KHDRBS1: variants seen among roughly 807,000 people sequenced by gnomAD.
KHDRBS1 encodes KH RNA binding domain containing, signal transduction associated 1, also known as KH domain-containing, RNA-binding, signal transduction-associated protein 1.
Under a neutral mutation model 48.4 loss-of-function variants are expected in KHDRBS1, and 7 were observed. That is an observed-to-expected ratio of 0.14 (90% CI 0.08 to 0.27). KHDRBS1 has a LOEUF of 0.27. Among genes scored for constraint, KHDRBS1 ranks in the 10% least tolerant of loss-of-function variants. KHDRBS1 has a pLI of 1.00. For synonymous variants in KHDRBS1, 241 were observed against 235.8 expected (o/e 1.02, Z -0.20); for missense variants, 458 against 601.2 (o/e 0.76, Z 2.49).
chr1:32,019,708 A>G (rs1050201975), intron 1 of KHDRBS1, among the ~76,000 whole-genome samples: 1 of 152,218 alleles, frequency 6.6e-6, no homozygotes, highest in Non-Finnish European at 1.5e-5. Flanking sequence ...AACAAAGCCT[A>G]GTAAGATAAA....
chr1:32,023,478 A>G (rs963842942), intron 1 of KHDRBS1, among the ~76,000 whole-genome samples: 10 of 152,212 alleles, frequency 6.6e-5, no homozygotes, highest in Admixed American at 1.3e-4. Context: ...ATTGGATAAG[A>G]TATGATTATT....
At chr1:32,059,444 G>A (rs1003789578) in intron 10 of KHDRBS1, among the ~76,000 whole-genome samples, 16 of 152,002 alleles carry the variant, frequency 1.1e-4, no homozygotes, top group African/African-American at 3.1e-4. Context: ...GGAGGCTGAG[G>A]TTGGAGGATC....
In KHDRBS1 at chr1:32,013,900, GCTACCGCTCCCGCT is replaced by G. The variant is rs1451766524; in HGVS notation, c.-93_-80del. 3 of 1,218,876 alleles carry G rather than the reference GCTACCGCTCCCGCT, an allele frequency of 2.5e-6. No homozygotes were observed. The South Asian group carries it at 6.7e-5, about 27-fold the overall frequency. 75.5% of individuals were successfully genotyped at this position (1,218,876 alleles called of 1,614,324 possible). ...TGGGTCGCTCGGGTCGGCTTCGGTCGCTACCGCTCCCGCTCTGCCACCCCCGCCAACCGCCGCTC... is the reference window on the plus strand; with the variant it reads ...TGGGTCGCTCGGGTCGGCTTCGGTCGCTGCCACCCCCGCCAACCGCCGCTC... On this transcript the variant is annotated 5_prime_UTR_variant, in exon 1 of 9. Transcript: ENST00000327300.
intron 4 of KHDRBS1, among the ~76,000 whole-genome samples, chr1:32,035,839 G>A (rs1032985042): frequency 6.6e-6 from 1 of 152,200 alleles, no homozygotes; most frequent in African/African-American, 2.4e-5. Flanking sequence ...GTAAGTGCTT[G>A]GGTATAGGGA....
At chr1:32,031,726 A>G (rs756931104) in intron 3 of KHDRBS1, 86 bp downstream of exon 3, 3 of 762,932 alleles carry the variant, frequency 3.9e-6, no homozygotes, top group East Asian at 2.7e-5. Flanking sequence ...AGAGGCGGCA[A>G]GAATTTTGTA....
intron 3 of KHDRBS1, 51 bp from the exon 4 acceptor site, chr1:32,033,136 TG>T: frequency 6.8e-7 from 1 of 1,461,576 alleles, no homozygotes; most frequent in Non-Finnish European, 9.6e-7. Context: ...GAGGTAAAGG[TG>T]GTGTTTTCTC....
intron 2 of KHDRBS1, 99 bp downstream of exon 2, chr1:32,030,521 A>G: frequency 1.0e-6 from 1 of 1,002,452 alleles, no homozygotes; most frequent in East Asian, 3.0e-5. Flanking sequence ...TGCTTTAGAA[A>G]CTTAAGCCTG....
chr1:32,047,648 A>C (rs892516135), downstream of KHDRBS1, among the ~76,000 whole-genome samples: 13 of 152,174 alleles, frequency 8.5e-5, no homozygotes, highest in African/African-American at 2.7e-4. Flanking sequence ...ATAATATCCT[A>C]ACAGAGTTAG....
chr1:32,030,275 A>C (rs1226367161), intron 1 of KHDRBS1, 23 bp from the exon 2 acceptor site: 1 of 1,598,590 alleles, frequency 6.3e-7, no homozygotes, highest in South Asian at 1.1e-5. Flanking sequence ...CCAGGGCAAA[A>C]ATAAATTGTT....
At chr1:32,050,775 C>T (rs1362864402) in intron 10 of KHDRBS1, among the ~76,000 whole-genome samples, 1 of 152,100 alleles carries the variant, frequency 6.6e-6, no homozygotes, top group Non-Finnish European at 1.5e-5. Context: ...CCACCTCGGC[C>T]TCCCAAAGTG....
intron 1 of KHDRBS1, among the ~76,000 whole-genome samples, chr1:32,028,533 C>T (rs1321186003): frequency 9.1e-5 from 12 of 131,720 alleles, no homozygotes; most frequent in African/African-American, 2.4e-4. Context: ...GACAGAGTCT[C>T]GCTCTGTCGC....
Position 32,038,563 on chromosome 1 carries a change from T to C in KHDRBS1, c.1119T>C (p.Asp373=), listed in dbSNP as rs375369691. Residue 373 remains aspartate, a synonymous_variant, in exon 7 of 9, where the codon GAT becomes GAC. Transcript: ENST00000327300. ...PETYEEYGYD[D]TYAEQSYEGY... is the part of the protein sequence containing the mutation. ...TGTTGTTGTTCTAGGGATATGATGA[T>C]ACATACGCAGAACAAAGTTACGAAG... is the stretch of plus-strand genomic sequence containing the variant. 4 of 1,613,834 alleles carry C rather than the reference T, an allele frequency of 2.5e-6. No homozygotes were observed. The highest frequency in any genetic ancestry group is 2.2e-5 in the East Asian group (1 of 44,872).
chr1:32,028,475 C>T (rs1639017676), intron 1 of KHDRBS1, among the ~76,000 whole-genome samples: 1 of 146,494 alleles, frequency 6.8e-6, no homozygotes, highest in Non-Finnish European at 1.5e-5. Context: ...TATATATATA[C>T]ACGTATATAT....
chr1:32,056,659 G>T (rs185498777), intron 10 of KHDRBS1, among the ~76,000 whole-genome samples: 254 of 152,276 alleles, frequency 1.7e-3, no homozygotes, highest in Non-Finnish European at 3.1e-3. Context: ...GTATAAGATG[G>T]TTGCTCCTCA....
chr1:32,050,279 A>G (rs1402423560), intron 10 of KHDRBS1, among the ~76,000 whole-genome samples: 1 of 152,196 alleles, frequency 6.6e-6, no homozygotes, highest in East Asian at 1.9e-4. Context: ...TTCTTTATAT[A>G]TTCTGGACGC....
chr1:32,059,165 GAA>G (rs1163066227), intron 10 of KHDRBS1, among the ~76,000 whole-genome samples: 2 of 45,994 alleles, frequency 4.3e-5, no homozygotes, highest in African/African-American at 1.5e-4. Flanking sequence ...TGTCTCAGGA[GAA>G]AAAAAAAAAA....
intron 5 of KHDRBS1, 86 bp downstream of exon 5, chr1:32,037,129 A>C: frequency 7.0e-7 from 1 of 1,432,150 alleles, no homozygotes; most frequent in Non-Finnish European, 9.6e-7. Context: ...TGTCTAGCTT[A>C]GGAAGGGTCT....
intron 4 of KHDRBS1, among the ~76,000 whole-genome samples, chr1:32,035,315 C>T (rs1639155751): frequency 6.6e-6 from 1 of 152,052 alleles, no homozygotes; most frequent in South Asian, 2.1e-4. Flanking sequence ...GCATTGGTTA[C>T]TTGATTCTCC....
intron 1 of KHDRBS1, among the ~76,000 whole-genome samples, chr1:32,025,078 G>A (rs1638937725): frequency 6.6e-6 from 1 of 151,440 alleles, no homozygotes; most frequent in Non-Finnish European, 1.5e-5. Flanking sequence ...GACCAACCTG[G>A]GCAAAATAGG....
Sources: gnomAD v4.1 joint callset for allele counts (sites outside exome capture counted in the v4.1 genomes callset) on GRCh38, gnomAD v4.1.1 for gene constraint, MANE v1.5 for transcripts, NCBI Gene and HGNC (gene_info 2026-07-23, HGNC 2026-07-21) for gene names.